CD96: variants seen among roughly 807,000 people sequenced by gnomAD.
CD96 encodes the protein T-cell surface protein tactile.
CD96 carries 70 observed loss-of-function variants against 71.3 expected under a neutral mutation model. The ratio of observed to expected loss-of-function variants is 0.98; its 90% CI spans 0.81 to 1.20. The LOEUF is 1.20. CD96 is among the 50% of genes most tolerant of loss of function. The probability of loss-of-function intolerance (pLI) is 0.00; values close to 1 mark genes in which losing one functional copy is unlikely to be tolerated. For missense variants in CD96, 742 were observed against 677.5 expected (o/e 1.10, Z -1.06); for synonymous variants, 248 against 233.0 (o/e 1.06, Z -0.59).
At chr3:111,592,343 C>A (rs1043338198) in intron 5 of CD96, among the ~76,000 whole-genome samples, 14 of 152,288 alleles carry the variant, frequency 9.2e-5, no homozygotes, top group African/African-American at 3.4e-4. Flanking sequence ...TAAAGGTAAA[C>A]AGTTTTTAAA....
intron 10 of CD96, among the ~76,000 whole-genome samples, chr3:111,630,658 T>C (rs1439586145): frequency 6.6e-6 from 1 of 152,198 alleles, no homozygotes; most frequent in Non-Finnish European, 1.5e-5. Context: ...ACTCATTCCA[T>C]GAGGCCAGCA....
chr3:111,548,530 T>A (rs529549861), intron 2 of CD96, among the ~76,000 whole-genome samples: 2 of 152,326 alleles, frequency 1.3e-5, no homozygotes, highest in Admixed American at 6.5e-5. Flanking sequence ...ATTGTCATAA[T>A]CTAGATTTCA....
chr3:111,549,104 T>C (rs752764901), intron 2 of CD96, among the ~76,000 whole-genome samples: 2 of 152,118 alleles, frequency 1.3e-5, no homozygotes, highest in Non-Finnish European at 2.9e-5. Context: ...CTTTCTTTAC[T>C]TTGTCCTTTC....
At chr3:111,664,269 T>A (rs890984504) in intron 14 of CD96, among the ~76,000 whole-genome samples, 1 of 152,112 alleles carries the variant, frequency 6.6e-6, no homozygotes, top group African/African-American at 2.4e-5. Context: ...CAGTTGTCCA[T>A]CATTTGTGGA....
At chr3:111,579,579 C>T in intron 4 of CD96, 1 of 337,174 alleles carries the variant, frequency 3.0e-6, no homozygotes, top group South Asian at 2.6e-5. Flanking sequence ...CGAGGGGACG[C>T]ATCTGGTAAG....
At chr3:111,576,544 A>G (rs770781128) in intron 3 of CD96, among the ~76,000 whole-genome samples, 14 of 152,292 alleles carry the variant, frequency 9.2e-5, no homozygotes, top group African/African-American at 1.7e-4. Flanking sequence ...GGTTCTTATT[A>G]GTACAAATTG....
chr3:111,662,245 C>T (rs918813055), intron 14 of CD96, among the ~76,000 whole-genome samples: 2 of 152,218 alleles, frequency 1.3e-5, no homozygotes, highest in Non-Finnish European at 2.9e-5. Context: ...AGCCCTGGGC[C>T]TAGCCCAGGA....
At chr3:111,581,729 T>A (rs1936475428) in intron 4 of CD96, among the ~76,000 whole-genome samples, 1 of 152,218 alleles carries the variant, frequency 6.6e-6, no homozygotes, top group Admixed American at 6.5e-5. Flanking sequence ...TTTTTAGTAG[T>A]TGTTCTTTCT....
At chr3:111,561,672 G>T in intron 2 of CD96, among the ~76,000 whole-genome samples, 1 of 136,046 alleles carries the variant, frequency 7.4e-6, no homozygotes, top group Non-Finnish European at 1.6e-5. Context: ...GTTTGTCTGT[G>T]CCCTGCCCCC....
chr3:111,651,610 C>T lies in CD96; in HGVS notation c.*1804C>T. 1 of 152,792 alleles carries T rather than the reference C, an allele frequency of 6.5e-6. No individual in the cohort carries two copies. Among genetic ancestry groups the T allele is most frequent in the Non-Finnish European group, 1.5e-5 (1 of 68,456 alleles). 9.5% of individuals were successfully genotyped at this position (152,792 alleles called of 1,614,324 possible). A position where few individuals can be genotyped will look rare whatever the true frequency, so the allele number is the denominator to read the frequency against. ...GAAATCTACCTGTCGTGGCCGGGCG[C>T]AGTGGCTCACGCCTGTAATCCCAGC... On this transcript the variant is annotated 3_prime_UTR_variant, in exon 14 of 14. Transcript: ENST00000352690.
Position 111,650,171 on chromosome 3 carries a change from T to G in CD96, c.*365T>G. The G allele has an allele frequency of 3.7e-6, 1 of 271,750 alleles. No homozygotes were observed. Among genetic ancestry groups the G allele is most frequent in the Non-Finnish European group, 7.3e-6 (1 of 136,240 alleles). The allele number at this position is 271,750 out of a possible 1,614,324, so 16.8% of individuals were successfully genotyped here. ...TATGCCCATGCCTGATCCTCTTATT[T>G]GAACATCTATCAACATTGTAAACTC... On this transcript the variant is annotated 3_prime_UTR_variant, in exon 14 of 14. Coordinates refer to ENST00000352690, the MANE Select transcript of CD96 (RefSeq NM_005816.5).
chr3:111,589,859 A>G (rs1936894835), intron 5 of CD96, among the ~76,000 whole-genome samples: 1 of 152,182 alleles, frequency 6.6e-6, no homozygotes, highest in African/African-American at 2.4e-5. Flanking sequence ...TTCTAATTCA[A>G]CTACTTAGCT....
intron 10 of CD96, among the ~76,000 whole-genome samples, chr3:111,632,790 T>C (rs1939136311): frequency 6.6e-6 from 1 of 152,170 alleles, no homozygotes; most frequent in Non-Finnish European, 1.5e-5. Flanking sequence ...TATACAGTCA[T>C]AAAAAGGAAT....
rs1219939523 is a variant in CD96, at chr3:111,650,914, G to A, written c.*1108G>A. On this transcript the variant is annotated 3_prime_UTR_variant, in exon 14 of 14. Coordinates refer to ENST00000352690, the MANE Select transcript of CD96 (RefSeq NM_005816.5). ...CCTGCTCCAGGAGGGAAAAACAGAT[G>A]TTGTTGACAGATAGAGTGATAGGCA... 1.3e-4 allele frequency: 20 copies of A among 152,232 alleles called. No individual in the cohort carries two copies. Among genetic ancestry groups the A allele is most frequent in the Admixed American group, 1.3e-3 (20 of 15,286 alleles). The allele number at this position is 152,232 out of a possible 1,614,324, so 9.4% of individuals were successfully genotyped here.
chr3:111,625,379 A>T (rs1010070868), intron 10 of CD96, among the ~76,000 whole-genome samples: 3 of 152,342 alleles, frequency 2.0e-5, no homozygotes, highest in Non-Finnish European at 2.9e-5. Flanking sequence ...TTTAATAAAT[A>T]TGTTAATGTA....
At chr3:111,574,179 A>G (rs1576336693) in intron 3 of CD96, among the ~76,000 whole-genome samples, 2 of 152,210 alleles carry the variant, frequency 1.3e-5, no homozygotes, top group Non-Finnish European at 2.9e-5. Flanking sequence ...CAGCTCTGAC[A>G]TGGAGCTGGT....
chr3:111,642,585 G>A (rs1323096508), intron 12 of CD96, among the ~76,000 whole-genome samples: 1 of 152,082 alleles, frequency 6.6e-6, no homozygotes, highest in Non-Finnish European at 1.5e-5. Context: ...GAAGCCAGTG[G>A]ATCATGAGGT....
intron 7 of CD96, among the ~76,000 whole-genome samples, chr3:111,604,297 G>A (rs746036084): frequency 9.9e-5 from 15 of 152,258 alleles, no homozygotes; most frequent in South Asian, 2.1e-4. Flanking sequence ...GGCTTTAGGC[G>A]GCAGCTTACC....
intron 10 of CD96, chr3:111,633,629 C>T (rs1014579907): frequency 6.6e-6 from 1 of 152,288 alleles, no homozygotes; most frequent in Non-Finnish European, 1.5e-5. Flanking sequence ...GCATAAGCCC[C>T]ATACTTCCAA....
Sources: gnomAD v4.1 joint callset for allele counts (sites outside exome capture counted in the v4.1 genomes callset) on GRCh38, gnomAD v4.1.1 for gene constraint, MANE v1.5 for transcripts, NCBI Gene and HGNC (gene_info 2026-07-23, HGNC 2026-07-21) for gene names.